The following PCDHA12 variants were observed in gnomAD, a reference collection of about 807,000 sequenced individuals.
The protein encoded by PCDHA12 is protocadherin alpha-12.
PCDHA12 carries 44 observed loss-of-function variants against 60.0 expected under a neutral mutation model. The ratio of observed to expected loss-of-function variants is 0.73; its 90% confidence interval spans 0.58 to 0.94. The LOEUF is 0.94. Among genes scored for constraint, PCDHA12 ranks in the 40% least tolerant of loss-of-function variants. The pLI, the probability that PCDHA12 is intolerant of heterozygous loss-of-function variation, is 0.00. For synonymous variants in PCDHA12, 569 were observed against 553.0 expected (o/e 1.03, Z -0.40); for missense variants, 1,276 against 1,239.7 (o/e 1.03, Z -0.44).
chr5:140,953,963 G>A lies in PCDHA12; in HGVS notation c.2368-24986G>A, dbSNP rs193094168. ...CATTGCTCCCCCAACAGGCCCCAGT[G>A]TGTGTTGTTCCCCTTCATATTTTCA... On this transcript the variant is annotated intron_variant, in intron 1 of 3. Transcript: ENST00000398631. Among the ~76,000 whole-genome samples the A allele has an allele frequency of 2.1e-3, 322 of 152,136 alleles. 11 individuals carry two copies. Among genetic ancestry groups the A allele is most frequent in the Admixed American group, 0.021 (314 of 15,274 alleles).
At chr5:140,954,119 C>T (rs547590061) in intron 1 of PCDHA12, among the ~76,000 whole-genome samples, 2 of 152,156 alleles carry the variant, frequency 1.3e-5, no homozygotes, top group African/African-American at 4.8e-5. Flanking sequence ...AGATCTTGTT[C>T]CTTTTTATGG....
chr5:140,946,387 T>C (rs1168775484), intron 1 of PCDHA12, among the ~76,000 whole-genome samples: 3 of 151,786 alleles, frequency 2.0e-5, no homozygotes, highest in African/African-American at 7.3e-5. Context: ...TTGGTAGGAA[T>C]GTAAATTAGT....
At chr5:140,921,781 G>C (rs1393443819) in intron 1 of PCDHA12, among the ~76,000 whole-genome samples, 1 of 151,986 alleles carries the variant, frequency 6.6e-6, no homozygotes, top group Non-Finnish European at 1.5e-5. Context: ...TACTGACTTG[G>C]ATGTTCTAGA....
chr5:140,895,070 C>G (rs2064827781), intron 1 of PCDHA12, among the ~76,000 whole-genome samples: 1 of 152,106 alleles, frequency 6.6e-6, no homozygotes, highest in African/African-American at 2.4e-5. Context: ...GACTCAATTC[C>G]TATCAGTTCC....
chr5:140,970,026 T>A (rs2153783055), intron 1 of PCDHA12, among the ~76,000 whole-genome samples: 1 of 152,304 alleles, frequency 6.6e-6, no homozygotes, highest in Non-Finnish European at 1.5e-5. Context: ...GGCAGAGAGA[T>A]TAAGTACCAA....
chr5:141,003,258 G>T (rs1029666608), intron 3 of PCDHA12, among the ~76,000 whole-genome samples: 1 of 152,240 alleles, frequency 6.6e-6, no homozygotes, highest in Admixed American at 6.5e-5. Flanking sequence ...TTCCTGGGCA[G>T]TGCCTAAGGG....
chr5:140,922,498 G>C (rs2080865421), intron 1 of PCDHA12, among the ~76,000 whole-genome samples: 1 of 152,230 alleles, frequency 6.6e-6, no homozygotes, highest in African/African-American at 2.4e-5. Context: ...CTGAGAGTGA[G>C]CAGATGCACC....
chr5:140,881,655 C>T (rs1336529643), intron 1 of PCDHA12, among the ~76,000 whole-genome samples: 1 of 152,120 alleles, frequency 6.6e-6, no homozygotes, highest in Non-Finnish European at 1.5e-5. Flanking sequence ...TCACCTTCAC[C>T]GATTTTATTC....
chr5:140,964,894 T>C (rs754817292), intron 1 of PCDHA12, among the ~76,000 whole-genome samples: 8 of 152,210 alleles, frequency 5.3e-5, no homozygotes, highest in Non-Finnish European at 1.2e-4. Flanking sequence ...GATAGGAGGC[T>C]GGGCGCTTCT....
chr5:140,967,386 T>TA, intron 1 of PCDHA12: 1 of 1,609,114 alleles, frequency 6.2e-7, no homozygotes, highest in Non-Finnish European at 8.5e-7. Context: ...AGTAAAGTGC[T>TA]TGAGCTGGTG....
rs201090787 is a variant in PCDHA12, at chr5:140,876,840, G to A, written c.1368G>A (p.Ala456=). The change falls in exon 1 of 4, where the codon GCG becomes GCA. Residue 456 remains alanine, a synonymous_variant. Coordinates refer to ENST00000398631, the MANE Select transcript of PCDHA12 (RefSeq NM_018903.4). Reference sequence around the variant, plus strand: ...TGAACGACAATGCGCCTGCGTTCGCGCAGCCCGAGTACACAGTGTTCGTGA... The same window carrying A: ...TGAACGACAATGCGCCTGCGTTCGCACAGCCCGAGTACACAGTGTTCGTGA... ...ADVNDNAPAF[A]QPEYTVFVKE... is the part of the protein sequence containing the mutation. 2.5e-6 allele frequency: 4 copies of A among 1,614,166 alleles called. No homozygotes were observed. In the East Asian group the frequency reaches 6.7e-5, roughly 27 times the overall value.
intron 3 of PCDHA12, among the ~76,000 whole-genome samples, chr5:141,004,729 T>A (rs782339918): frequency 6.6e-6 from 1 of 152,144 alleles, no homozygotes; most frequent in African/African-American, 2.4e-5. Context: ...TTAAATACAT[T>A]TCTCTCTTTT....
At chr5:140,884,511 G>T (rs1202323930) in intron 1 of PCDHA12, 6 of 1,614,074 alleles carry the variant, frequency 3.7e-6, no homozygotes, top group African/African-American at 1.3e-5. Context: ...GCAGGGAGTT[G>T]GTCGTACTCG....
intron 1 of PCDHA12, among the ~76,000 whole-genome samples, chr5:140,930,783 A>G (rs1211509868): frequency 6.6e-6 from 1 of 152,246 alleles, no homozygotes; most frequent in Non-Finnish European, 1.5e-5. Context: ...TATTTTCACA[A>G]TATAATAGAA....
In PCDHA12 at chr5:140,877,379, TC is replaced by T. The variant is rs1169435329; in HGVS notation, c.1909del (p.Leu637TrpfsTer15). The part of the protein sequence containing the change: ...LYTGEISTTR[I>X]LDEADAPRHR... ...ACTGGCGAGATCAGCACGACACGCA[TC>T]CTGGATGAGGCGGACGCTCCGCGCC... is the stretch of plus-strand genomic sequence containing the variant. On this transcript the variant is annotated frameshift_variant, in exon 1 of 4. Coordinates refer to ENST00000398631, the MANE Select transcript of PCDHA12 (RefSeq NM_018903.4). LOFTEE classifies it high-confidence loss of function. 3 of 1,613,950 alleles carry T rather than the reference TC, an allele frequency of 1.9e-6. No individual in the cohort carries two copies.
At chr5:140,918,816 A>C (rs1178287306) in intron 1 of PCDHA12, among the ~76,000 whole-genome samples, 1 of 62,452 alleles carries the variant, frequency 1.6e-5, no homozygotes, top group Admixed American at 1.3e-4. Context: ...ATGAACCAAA[A>C]AGTGGCCCCC....
In PCDHA12 at chr5:141,010,048, C is replaced by T; in HGVS notation, c.*111C>T. 4 of 1,597,434 alleles carry T rather than the reference C, an allele frequency of 2.5e-6. No homozygotes were observed. The highest frequency in any genetic ancestry group is 3.4e-6 in the Non-Finnish European group (4 of 1,172,252). Reference sequence around the variant, plus strand: ...CTATCTACATGAGCCCTCTTAGAGACCTCAGAAATCTGCAGAAAGTTCCCT... The same window carrying T: ...CTATCTACATGAGCCCTCTTAGAGATCTCAGAAATCTGCAGAAAGTTCCCT... On this transcript the variant is annotated 3_prime_UTR_variant, in exon 4 of 4. Coordinates refer to ENST00000398631, the MANE Select transcript of PCDHA12 (RefSeq NM_018903.4).
intron 2 of PCDHA12, among the ~76,000 whole-genome samples, chr5:140,981,680 C>G (rs1238332235): frequency 6.6e-6 from 1 of 151,746 alleles, no homozygotes; most frequent in Non-Finnish European, 1.5e-5. Context: ...CTTCCTTCCT[C>G]CCTTCCATCA....
chr5:140,881,232 C>A, intron 1 of PCDHA12: 2 of 318,074 alleles, frequency 6.3e-6, no homozygotes, highest in Non-Finnish European at 9.1e-6. Context: ...AAATTAAAGT[C>A]AATTTAAATG....
Sources: allele counts gnomAD v4.1 joint callset (sites outside exome capture counted in the v4.1 genomes callset), GRCh38; gene constraint gnomAD v4.1.1; transcripts MANE v1.5; gene names NCBI Gene and HGNC (gene_info 2026-07-23, HGNC 2026-07-21).